The following DGKB variants were observed in gnomAD, a reference collection of about 807,000 sequenced individuals.
DGKB encodes diacylglycerol kinase beta.
In DGKB, 67 loss-of-function variants were observed where a neutral mutation model predicts 114.3. The ratio of observed to expected loss-of-function variants is 0.59; its 90% CI spans 0.48 to 0.72. DGKB has a LOEUF of 0.72. DGKB is among the 30% of genes least tolerant of loss of function. DGKB has a pLI of 0.00. For synonymous variants in DGKB, 398 were observed against 323.1 expected, an observed-to-expected ratio of 1.23 and a Z score of -2.49; for missense variants, 907 against 975.2, an observed-to-expected ratio of 0.93 and a Z score of 0.93.
intron 1 of DGKB, among the ~76,000 whole-genome samples, chr7:14,918,993 G>T (rs1415924465): frequency 6.6e-6 from 1 of 151,340 alleles, no homozygotes; most frequent in East Asian, 2.0e-4. Context: ...AACCCAGGAG[G>T]CGGAGGTTCC....
intron 20 of DGKB, among the ~76,000 whole-genome samples, chr7:14,554,198 T>G (rs932128276): frequency 4.6e-5 from 7 of 152,080 alleles, no homozygotes; most frequent in African/African-American, 1.7e-4. Context: ...AGGAGACAGC[T>G]AGGTAAAGAC....
intron 1 of DGKB, among the ~76,000 whole-genome samples, chr7:14,892,252 C>T (rs980285241): frequency 1.3e-5 from 2 of 151,072 alleles, no homozygotes; most frequent in African/African-American, 2.4e-5. Flanking sequence ...GAGGCAATGC[C>T]CAGTGGATAA....
At chr7:14,465,287 A>C (rs994048105) in intron 21 of DGKB, among the ~76,000 whole-genome samples, 6 of 149,672 alleles carry the variant, frequency 4.0e-5, no homozygotes, top group African/African-American at 1.5e-4. Flanking sequence ...CACATTATAG[A>C]ACTATAATAA....
chr7:14,280,754 C>T (rs1160013534), intron 23 of DGKB, among the ~76,000 whole-genome samples: 1 of 148,548 alleles, frequency 6.7e-6, no homozygotes, highest in East Asian at 2.0e-4. Flanking sequence ...CATATCCAGC[C>T]AAACTAAGCT....
At chr7:14,173,889 TTAATA>T (rs1473505330) in intron 25 of DGKB, among the ~76,000 whole-genome samples, 1 of 152,052 alleles carries the variant, frequency 6.6e-6, no homozygotes, top group African/African-American at 2.4e-5. Flanking sequence ...GGGAAGAAAA[TTAATA>T]TAAGTTACAT....
intron 21 of DGKB, among the ~76,000 whole-genome samples, chr7:14,370,685 T>G (rs539084646): frequency 6.6e-6 from 1 of 152,230 alleles, no homozygotes; most frequent in South Asian, 2.1e-4. Flanking sequence ...ACTTTTATTT[T>G]AGATTCAGGG....
chr7:14,793,807 G>C (rs992994416), intron 2 of DGKB, among the ~76,000 whole-genome samples: 8 of 152,166 alleles, frequency 5.3e-5, no homozygotes, highest in Middle Eastern at 6.8e-3. Context: ...CTCTGTGGGG[G>C]AGTTTTGGTA....
chr7:14,937,064 ACACACACACAT>A (rs1030579707), intron 1 of DGKB, among the ~76,000 whole-genome samples: 2 of 144,830 alleles, frequency 1.4e-5, no homozygotes, highest in African/African-American at 5.4e-5. Flanking sequence ...ACACACACAC[ACACACACACAT>A]CTTTTGTTAA....
intron 21 of DGKB, among the ~76,000 whole-genome samples, chr7:14,443,504 T>TA (rs1830346095): frequency 6.6e-6 from 1 of 152,150 alleles, no homozygotes; most frequent in South Asian, 2.1e-4. Flanking sequence ...CTCCAAATGA[T>TA]AGGTTAGCTT....
At chr7:14,686,324 A>G (rs1421356885) in intron 9 of DGKB, among the ~76,000 whole-genome samples, 2 of 152,190 alleles carry the variant, frequency 1.3e-5, no homozygotes, top group African/African-American at 4.8e-5. Context: ...GAAGGTCAAG[A>G]TATTAAATGA....
At chr7:14,935,525 T>C (rs1185113955) in intron 1 of DGKB, among the ~76,000 whole-genome samples, 3 of 152,290 alleles carry the variant, frequency 2.0e-5, no homozygotes, top group East Asian at 1.9e-4. Context: ...AGTCAGGTCA[T>C]AGTAATCATA....
intron 25 of DGKB, among the ~76,000 whole-genome samples, chr7:14,161,617 G>A (rs970718625): frequency 4.0e-5 from 6 of 151,574 alleles, no homozygotes; most frequent in Admixed American, 3.9e-4. Flanking sequence ...ATTGAACAAT[G>A]AGAATACATA....
intron 23 of DGKB, among the ~76,000 whole-genome samples, chr7:14,198,865 C>T (rs557668531): frequency 6.6e-6 from 1 of 152,052 alleles, no homozygotes; most frequent in African/African-American, 2.4e-5. Flanking sequence ...CCTGGAAGGA[C>T]AGGGCGAACT....
chr7:14,930,424 T>A (rs567608782), intron 1 of DGKB, among the ~76,000 whole-genome samples: 1 of 152,278 alleles, frequency 6.6e-6, no homozygotes, highest in South Asian at 2.1e-4. Flanking sequence ...TACAGACCTT[T>A]TATTCCTTGT....
rs537156901 is a variant in DGKB at position 14,846,168 on chromosome 7, C to A, written c.-187-4718G>T. ...TTTGCATTTTGACAAGTGATATTTA[C>A]AAAATAATGGTATCTCTGAGTGGCT... On this transcript the variant is annotated intron_variant, in intron 1 of 25. Transcript: ENST00000402815. 7.2e-5 allele frequency among the ~76,000 whole-genome samples: 11 copies of A among 152,264 alleles called. No individual in the cohort carries two copies. The East Asian group carries it at 2.1e-3, about 29-fold the overall frequency.
At chr7:14,363,966 A>C (rs1014063502) in intron 21 of DGKB, among the ~76,000 whole-genome samples, 3 of 152,074 alleles carry the variant, frequency 2.0e-5, no homozygotes, top group Admixed American at 1.3e-4. Context: ...GAAGAAAAGA[A>C]ATATGATAGG....
At chr7:14,856,663 G>A (rs894972973) in intron 1 of DGKB, among the ~76,000 whole-genome samples, 9 of 151,702 alleles carry the variant, frequency 5.9e-5, no homozygotes, top group Non-Finnish European at 1.2e-4. Context: ...CATTGTGTGT[G>A]TGTATATATA....
chr7:14,709,639 A>G, intron 6 of DGKB, among the ~76,000 whole-genome samples: 1 of 146,462 alleles, frequency 6.8e-6, no homozygotes, highest in South Asian at 2.3e-4. Context: ...TGCAGCCATA[A>G]AAAATGATGA....
At chr7:14,332,053 G>A (rs959353682) in intron 23 of DGKB, among the ~76,000 whole-genome samples, 2 of 152,154 alleles carry the variant, frequency 1.3e-5, no homozygotes, top group East Asian at 1.9e-4. Flanking sequence ...AATGTTTACA[G>A]TAAAGTATTT....
Sources: allele counts gnomAD v4.1 joint callset (sites outside exome capture counted in the v4.1 genomes callset), GRCh38; gene constraint gnomAD v4.1.1; transcripts MANE v1.5; gene names NCBI Gene and HGNC (gene_info 2026-07-23, HGNC 2026-07-21).